Variants in SLC25A41 observed in about 807,000 individuals in gnomAD.
The protein encoded by SLC25A41 is mitochondrial carrier protein SCaMC-3L.
Under a neutral mutation model 34.7 loss-of-function variants are expected in SLC25A41, and 35 were observed. The ratio of observed to expected loss-of-function variants is 1.01; its 90% CI spans 0.77 to 1.34. The LOEUF is 1.34. Ranked by LOEUF, SLC25A41 falls within the 40% of genes most tolerant of loss-of-function variation. The probability of loss-of-function intolerance (pLI) is 0.00; values close to 1 mark genes in which losing one functional copy is unlikely to be tolerated. For synonymous variants in SLC25A41, 190 were observed against 209.9 expected, an observed-to-expected ratio of 0.91 and a Z score of 0.82; for missense variants, 492 against 489.8, an observed-to-expected ratio of 1.00 and a Z score of -0.04.
In SLC25A41 at chr19:6,433,600, G is replaced by C; in HGVS notation, c.94C>G (p.Pro32Ala). Residue 32 changes from proline (P) to alanine (A), a missense_variant, in exon 1 of 7, where the codon CCC becomes GCC. Pro to Ala is a conservative substitution (Grantham distance 27). Transcript: ENST00000321510. Reference protein sequence around the residue: ...VKTLLIKAPPPPQPPPPPPSW... With the variant: ...VKTLLIKAPPAPQPPPPPPSW... ...GGGGGTGGAGGCGGAGGTTGGGGGG[G>C]AGGCGGGGCTTTGATGAGTAAGGTC... 1.2e-6 allele frequency: 2 copies of C among 1,606,660 alleles called. No homozygotes were observed. Among genetic ancestry groups the C allele is most frequent in the South Asian group, 1.1e-5 (1 of 90,860 alleles).
Position 6,429,065 on chromosome 19 carries a change from T to TATATAAC in SLC25A41, c.624+658_624+659insGTTATAT. Among the ~76,000 whole-genome samples, 2 of 31,302 alleles carry TATATAAC rather than the reference T, an allele frequency of 6.4e-5. 1 individual carries two copies. Among genetic ancestry groups the TATATAAC allele is most frequent in the African/African-American group, 2.4e-4 (2 of 8,510 alleles). The allele number at this position is 31,302 out of a possible 152,430, so 20.5% of individuals were successfully genotyped here. On this transcript the variant is annotated intron_variant, in intron 4 of 6. Coordinates refer to ENST00000321510, the MANE Select transcript of SLC25A41 (RefSeq NM_173637.4). ...ATATATATATTATATATATGTTATA[T>TATATAAC]ATATATATAATATATATATTATATA...
chr19:6,427,052 A>C lies in SLC25A41; in HGVS notation c.940+51T>G. On this transcript the variant is annotated intron_variant, in intron 6 of 6. Transcript: ENST00000321510. The surrounding 1 kb of genome is among the most constrained non-coding windows in gnomAD (Gnocchi z 4.9). ...GGGGTATGAGAAAATTGAGACAGCC[A>C]GGGTGGGGCGGGGAAGGGGCATGCG... is the stretch of plus-strand genomic sequence containing the variant. The C allele has an allele frequency of 6.5e-7, 1 of 1,538,304 alleles. No individual in the cohort carries two copies. Among genetic ancestry groups the C allele is most frequent in the Non-Finnish European group, 8.8e-7 (1 of 1,137,064 alleles).
At chr19:6,433,342 G>A (rs985656029) in intron 1 of SLC25A41, 145 bp downstream of exon 1, 20 of 790,402 alleles carry the variant, frequency 2.5e-5, no homozygotes, top group African/African-American at 1.5e-4. Flanking sequence ...GAGCCATCGC[G>A]CCCTGCCTCC....
chr19:6,427,250 T>C lies in SLC25A41; in HGVS notation c.793A>G (p.Met265Val), dbSNP rs770860863. Residue 265 changes from methionine to valine, a missense_variant and splice_region_variant, in exon 6 of 7, where the codon ATG (methionine) becomes GTG (valine). Met to Val is a conservative substitution (Grantham distance 21). Coordinates refer to ENST00000321510, the MANE Select transcript of SLC25A41 (RefSeq NM_173637.4). The surrounding 1 kb of genome is among the most constrained non-coding windows in gnomAD (Gnocchi z 4.9). ...GACTTCACCCAGAAGCACTGGAGCATCTGCAAGAGAAGGGGGCCAGGAGAA... is the reference window on the plus strand; with the variant it reads ...GACTTCACCCAGAAGCACTGGAGCACCTGCAAGAGAAGGGGGCCAGGAGAA... The part of the protein sequence containing the change: ...YACTDLAVYE[M>V]LQCFWVKSGR... 18 of 1,612,502 alleles carry C rather than the reference T, an allele frequency of 1.1e-5. No homozygotes were observed. The East Asian group carries it at 3.3e-4, about 30-fold the overall frequency.
chr19:6,434,530 C>A (rs1195727047), upstream of SLC25A41, among the ~76,000 whole-genome samples: 3 of 152,172 alleles, frequency 2.0e-5, no homozygotes, highest in Non-Finnish European at 4.4e-5. Flanking sequence ...CAGTTTAAGA[C>A]CCCGCTCTTT....
At chr19:6,430,848 C>T (rs990776330) in intron 2 of SLC25A41, among the ~76,000 whole-genome samples, 5 of 151,976 alleles carry the variant, frequency 3.3e-5, no homozygotes, top group African/African-American at 1.2e-4. Flanking sequence ...GGATCTTGTT[C>T]TGTTGCCCAG....
At chr19:6,428,055 G>A (rs1396443706) in intron 4 of SLC25A41, among the ~76,000 whole-genome samples, 1 of 152,100 alleles carries the variant, frequency 6.6e-6, no homozygotes, top group African/African-American at 2.4e-5. Context: ...AAACTACTCC[G>A]TAAGATACTA....
At chr19:6,429,132 A>ATATATATAATATATATATTATATATATGT (rs2092264781) in intron 4 of SLC25A41, among the ~76,000 whole-genome samples, 3 of 6,314 alleles carry the variant, frequency 4.8e-4, no homozygotes, top group Non-Finnish European at 8.3e-4. Context: ...TATATATGTT[A>ATATATATAATATATATATTATATATATGT]TATATATATA....
upstream of SLC25A41, among the ~76,000 whole-genome samples, chr19:6,435,640 T>A (rs1373442584): frequency 6.6e-6 from 1 of 152,104 alleles, no homozygotes; most frequent in Non-Finnish European, 1.5e-5. Context: ...GAGGATCACT[T>A]GAGTCCAGGA....
chr19:6,433,797 G>A (rs113251285), upstream of SLC25A41: 27 of 1,026,862 alleles, frequency 2.6e-5, no homozygotes, highest in African/African-American at 3.7e-4. Flanking sequence ...GGACCAAGAG[G>A]AGGATGAAGT....
chr19:6,428,401 CAAAAAA>C (rs764137246), intron 4 of SLC25A41, among the ~76,000 whole-genome samples: 1 of 69,234 alleles, frequency 1.4e-5, no homozygotes, highest in South Asian at 4.1e-4. Context: ...GTGAGACTCT[CAAAAAA>C]AAAAAAAAGA....
chr19:6,429,614 AAAG>A (rs2092275274), intron 4 of SLC25A41, 107 bp downstream of exon 4: 1 of 659,874 alleles, frequency 1.5e-6, no homozygotes, highest in Non-Finnish European at 2.4e-6. Context: ...GTGTGAGAAA[AAAG>A]GAGGAGAAAG....
At chr19:6,429,141 T>TA (rs1216077268) in intron 4 of SLC25A41, among the ~76,000 whole-genome samples, 917 of 58,088 alleles carry the variant, frequency 0.016, 320 homozygotes, top group Admixed American at 0.038. Context: ...TATATATATA[T>TA]ATAATATATA....
Position 6,426,561 on chromosome 19 carries a change from T to A in SLC25A41, c.941A>T (p.Asp314Val). The A allele has an allele frequency of 6.2e-7, 1 of 1,612,314 alleles. No individual in the cohort carries two copies. The highest frequency in any genetic ancestry group is 8.5e-7 in the Non-Finnish European group (1 of 1,179,440). ...TLVRTRMQAQ[D>V]TVEGSNPTMR... ...GGTGGGATTTGAGCCCTCCACGGTA[T>A]CTGCAGGGACACAGGCAAGATCAGG... Residue 314 changes from aspartate (D) to valine (V), a missense_variant and splice_region_variant, in exon 7 of 7, where the codon GAT (aspartate) becomes GTT (valine). By Grantham distance (152) the Asp-to-Val change is radical (BLOSUM62 -3). Transcript: ENST00000321510.
Position 6,429,715 on chromosome 19 carries a change from C to A in SLC25A41, c.624+9G>T. ...CGTTTCCTCACCTGCGGGGCACATG[C>A]TCTCTTACCTCCATGGGGTTGATGA... On this transcript the variant is annotated intron_variant, in intron 4 of 6. Coordinates refer to ENST00000321510, the MANE Select transcript of SLC25A41 (RefSeq NM_173637.4). 2 of 1,555,180 alleles carry A rather than the reference C, an allele frequency of 1.3e-6. No homozygotes were observed. Among genetic ancestry groups the A allele is most frequent in the South Asian group, 1.2e-5 (1 of 84,440 alleles).
rs2092267559 is a variant in SLC25A41, at chr19:6,429,165, A to ATATATATGT, written c.624+558_624+559insACATATATA. ...ATATAATATATATATTATATATATA[A>ATATATATGT]TATATATATAATATATATATGTTAT... On this transcript the variant is annotated intron_variant, in intron 4 of 6. Transcript: ENST00000321510. Among the ~76,000 whole-genome samples, 2 of 7,172 alleles carry ATATATATGT rather than the reference A, an allele frequency of 2.8e-4. 1 individual carries two copies. Among genetic ancestry groups the ATATATATGT allele is most frequent in the African/African-American group, 1.2e-3 (2 of 1,724 alleles). The allele number at this position is 7,172 out of a possible 152,430, so 4.7% of individuals were successfully genotyped here.
At chr19:6,430,434 C>A in intron 2 of SLC25A41, 2 of 541,780 alleles carry the variant, frequency 3.7e-6, no homozygotes, top group Non-Finnish European at 3.3e-6. Flanking sequence ...CCATCCTTTC[C>A]TTTCTTTCTC....
chr19:6,435,800 T>C (rs564628791), upstream of SLC25A41, among the ~76,000 whole-genome samples: 1 of 152,160 alleles, frequency 6.6e-6, no homozygotes, highest in South Asian at 2.1e-4. Context: ...GAGGCTGCAG[T>C]GAGCTATGAT....
chr19:6,430,238 CA>C, intron 2 of SLC25A41, 77 bp from the exon 3 acceptor site: 1 of 1,466,978 alleles, frequency 6.8e-7, no homozygotes, highest in Non-Finnish European at 9.0e-7. Flanking sequence ...AGCGCAGCCC[CA>C]CCGGGACCTC....
Sources: allele counts gnomAD v4.1 joint callset (sites outside exome capture counted in the v4.1 genomes callset), GRCh38; gene constraint gnomAD v4.1.1; non-coding constraint Gnocchi (gnomAD v3.1); transcripts MANE v1.5; gene names NCBI Gene and HGNC (gene_info 2026-07-23, HGNC 2026-07-21).